The following LINGO2 variants were observed in gnomAD, a reference collection of about 807,000 sequenced individuals.
LINGO2 encodes the protein leucine-rich repeat and immunoglobulin-like domain-containing nogo receptor-interacting protein 2.
LINGO2 carries 14 observed loss-of-function variants against 30.6 expected under a neutral mutation model. The observed-to-expected ratio is 0.46, with a 90% CI of 0.30 to 0.72. The LOEUF (loss-of-function observed/expected upper bound fraction) is 0.72, where lower values mean the gene tolerates loss of function less well. LINGO2 is among the 30% of genes least tolerant of loss of function. LINGO2 has a pLI of 0.07. For synonymous variants in LINGO2, 317 were observed against 288.5 expected (o/e 1.10, Z -1.00); for missense variants, 729 against 751.7 (o/e 0.97, Z 0.35).
chr9:28,238,505 A>G (rs1821660963), intron 4 of LINGO2, among the ~76,000 whole-genome samples: 1 of 152,202 alleles, frequency 6.6e-6, no homozygotes. Flanking sequence ...TTTGGAAACT[A>G]TATAAACACA....
chr9:29,147,144 G>GT, the LINGO2 span, among the ~76,000 whole-genome samples: 516 of 152,018 alleles, frequency 3.4e-3, 2 homozygotes, highest in African/African-American at 0.012. Context: ...CAAATTAAAT[G>GT]TTTTTTCATA....
At chr9:28,479,725 G>A (rs1021311124) in intron 1 of LINGO2, among the ~76,000 whole-genome samples, 1 of 150,762 alleles carries the variant, frequency 6.6e-6, no homozygotes, top group Non-Finnish European at 1.5e-5. Flanking sequence ...AAACAACAAT[G>A]TATTTCAGGA....
the LINGO2 span, among the ~76,000 whole-genome samples, chr9:28,745,273 A>T: frequency 6.6e-6 from 1 of 151,998 alleles, no homozygotes; most frequent in Non-Finnish European, 1.5e-5. Flanking sequence ...GTTGTATTTA[A>T]GCTTCATGTA....
intron 3 of LINGO2, among the ~76,000 whole-genome samples, chr9:28,361,654 A>C (rs964676099): frequency 2.6e-5 from 4 of 152,234 alleles, no homozygotes; most frequent in Non-Finnish European, 4.4e-5. Flanking sequence ...TTTTGAACAA[A>C]AAAAAAAGCT....
intron 1 of LINGO2, among the ~76,000 whole-genome samples, chr9:28,611,351 G>A (rs1038613711): frequency 7.8e-5 from 9 of 115,664 alleles, no homozygotes; most frequent in African/African-American, 3.2e-4. Context: ...GTTAACATTT[G>A]TGTGTGTGTG....
At chr9:28,051,725 A>C (rs868168808) in intron 4 of LINGO2, among the ~76,000 whole-genome samples, 1 of 152,034 alleles carries the variant, frequency 6.6e-6, no homozygotes, top group South Asian at 2.1e-4. Flanking sequence ...GTTTTGTTCT[A>C]TTTTACTGCT....
At chr9:27,974,078 A>G (rs1010779209) in intron 5 of LINGO2, among the ~76,000 whole-genome samples, 1 of 152,156 alleles carries the variant, frequency 6.6e-6, no homozygotes, top group Non-Finnish European at 1.5e-5. Context: ...TCATTCCTCA[A>G]ACTTCCACAA....
At chr9:28,461,695 A>C (rs757885791) in intron 2 of LINGO2, among the ~76,000 whole-genome samples, 6 of 152,056 alleles carry the variant, frequency 3.9e-5, no homozygotes, top group Non-Finnish European at 5.9e-5. Context: ...AGGGATGTGG[A>C]GAGGAGAGTA....
intron 4 of LINGO2, among the ~76,000 whole-genome samples, chr9:28,224,074 T>G (rs571894987): frequency 6.6e-6 from 1 of 152,130 alleles, no homozygotes; most frequent in Non-Finnish European, 1.5e-5. Context: ...GGCAGAATTT[T>G]TTTTTTCTGA....
chr9:28,620,454 A>T (rs1173924040), intron 1 of LINGO2, among the ~76,000 whole-genome samples: 2 of 152,100 alleles, frequency 1.3e-5, no homozygotes, highest in African/African-American at 2.4e-5. Context: ...ATCATCACTC[A>T]GATCTAATAC....
At chr9:28,406,717 T>C (rs568758130) in intron 2 of LINGO2, among the ~76,000 whole-genome samples, 52 of 152,162 alleles carry the variant, frequency 3.4e-4, no homozygotes, top group Non-Finnish European at 5.6e-4. Context: ...TCCAACCAAA[T>C]TGTTCTTATT....
chr9:29,175,084 C>A, the LINGO2 span, among the ~76,000 whole-genome samples: 2 of 152,072 alleles, frequency 1.3e-5, no homozygotes, highest in Non-Finnish European at 2.9e-5. Context: ...CATGATGAAA[C>A]CCCATCTTTA....
At chr9:28,907,455 T>C in the LINGO2 span, among the ~76,000 whole-genome samples, 7 of 151,934 alleles carry the variant, frequency 4.6e-5, no homozygotes, top group South Asian at 1.5e-3. Flanking sequence ...AACAGTGTAG[T>C]AGATTTCTAA....
chr9:27,987,805 A>G (rs1821195260), intron 5 of LINGO2, among the ~76,000 whole-genome samples: 2 of 151,988 alleles, frequency 1.3e-5, no homozygotes, highest in African/African-American at 4.8e-5. Flanking sequence ...CTCTTTAAAT[A>G]TATATATACA....
At chr9:28,544,905 C>A (rs1821863329) in intron 1 of LINGO2, among the ~76,000 whole-genome samples, 1 of 151,212 alleles carries the variant, frequency 6.6e-6, no homozygotes. Flanking sequence ...AATCTCAATC[C>A]TTTTAATTGC....
chr9:28,011,023 G>A (rs562951147), intron 5 of LINGO2, among the ~76,000 whole-genome samples: 65 of 152,276 alleles, frequency 4.3e-4, no homozygotes, highest in African/African-American at 1.5e-3. Flanking sequence ...TTATCCCCTT[G>A]TGGTTTAGTA....
the LINGO2 span, among the ~76,000 whole-genome samples, chr9:29,062,410 A>C: frequency 6.6e-6 from 1 of 152,206 alleles, no homozygotes; most frequent in Non-Finnish European, 1.5e-5. Flanking sequence ...AGCATTATTC[A>C]TAATAGCCAG....
the LINGO2 span, among the ~76,000 whole-genome samples, chr9:29,209,502 G>A: frequency 1.8e-4 from 28 of 152,078 alleles, no homozygotes; most frequent in African/African-American, 6.5e-4. Flanking sequence ...AGGAAAAAGA[G>A]GGAAGAAGAA....
chr9:28,618,686 A>G (rs1216913867), intron 1 of LINGO2, among the ~76,000 whole-genome samples: 1 of 152,072 alleles, frequency 6.6e-6, no homozygotes, highest in African/African-American at 2.4e-5. Flanking sequence ...TCTATCTGTA[A>G]TGTTCATCCT....
Sources: gnomAD v4.1 joint callset for allele counts (sites outside exome capture counted in the v4.1 genomes callset) on GRCh38, gnomAD v4.1.1 for gene constraint, MANE v1.5 for transcripts, NCBI Gene and HGNC (gene_info 2026-07-23, HGNC 2026-07-21) for gene names.